The following ITGA4 variants were observed in gnomAD, a reference collection of about 807,000 sequenced individuals.
The protein encoded by ITGA4 is integrin subunit alpha 4.
In ITGA4, 63 loss-of-function variants were observed where a neutral mutation model predicts 133.6. The ratio of observed to expected loss-of-function variants is 0.47; its 90% CI spans 0.38 to 0.58. The LOEUF is 0.58. Ranked by LOEUF, ITGA4 falls within the 20% of genes least tolerant of loss-of-function variation. ITGA4 has a pLI of 0.00. For synonymous variants in ITGA4, 483 were observed against 438.0 expected (o/e 1.10, Z -1.28); for missense variants, 1,076 against 1,252.7 (o/e 0.86, Z 2.13).
At chr2:181,481,144 C>T (rs192242279) in intron 6 of ITGA4, among the ~76,000 whole-genome samples, 65 of 152,248 alleles carry the variant, frequency 4.3e-4, no homozygotes, top group African/African-American at 1.3e-3. Context: ...AGAAATATAA[C>T]TTGTTACGCC....
chr2:181,476,939 A>T (rs569331021), intron 4 of ITGA4, among the ~76,000 whole-genome samples: 1 of 152,244 alleles, frequency 6.6e-6, no homozygotes, highest in Admixed American at 6.5e-5. Context: ...GACACAAGGG[A>T]CACAAAGTAG....
chr2:181,473,788 G>A (rs1018328743), intron 2 of ITGA4, among the ~76,000 whole-genome samples: 1 of 152,154 alleles, frequency 6.6e-6, no homozygotes, highest in Admixed American at 6.5e-5. Context: ...GTAACATAGT[G>A]AGACCCCCAT....
At chr2:181,534,731 G>A (rs778396642) in intron 26 of ITGA4, 85 bp from the exon 27 acceptor site, 11 of 1,163,990 alleles carry the variant, frequency 9.5e-6, no homozygotes, top group Non-Finnish European at 1.2e-5. Flanking sequence ...GGGGATTATG[G>A]CAGGGCTTTA....
chr2:181,487,171 T>A (rs542953188), intron 10 of ITGA4, among the ~76,000 whole-genome samples: 17 of 152,290 alleles, frequency 1.1e-4, no homozygotes, highest in Admixed American at 6.5e-4. Context: ...ATAATTTTTT[T>A]AAAAAACATG....
chr2:181,535,764 G>GA lies in ITGA4; in HGVS notation c.*240dup. Reference sequence around the variant, plus strand: ...ATCTCTCAGCTTTTAAATGGGTAGAGAAACACTAAAGCATTCAATTTATTC... The same window carrying GA: ...ATCTCTCAGCTTTTAAATGGGTAGAGAAAACACTAAAGCATTCAATTTATTC... On this transcript the variant is annotated 3_prime_UTR_variant, in exon 28 of 28. Coordinates refer to ENST00000397033, the MANE Select transcript of ITGA4 (RefSeq NM_000885.6). 1 of 351,820 alleles carries GA rather than the reference G, an allele frequency of 2.8e-6. No individual in the cohort carries two copies. Among genetic ancestry groups the GA allele is most frequent in the Non-Finnish European group, 5.1e-6 (1 of 195,154 alleles). The allele number at this position is 351,820 out of a possible 1,614,324, so 21.8% of individuals were successfully genotyped here. A position where few individuals can be genotyped will look rare whatever the true frequency, so the allele number is the denominator to read the frequency against.
At chr2:181,490,327 A>C (rs1480040380) in intron 10 of ITGA4, among the ~76,000 whole-genome samples, 1 of 152,098 alleles carries the variant, frequency 6.6e-6, no homozygotes, top group Non-Finnish European at 1.5e-5. Flanking sequence ...CCATGTGAAC[A>C]CATTTTTAAA....
rs1377717840 is a variant in ITGA4, at chr2:181,475,229, A to G, written c.497A>G (p.Tyr166Cys). ...NENKLPTGGC[Y>C]GVPPDLRTEL... ...AATAAGCTCCCCACTGGTGGTTGCT[A>G]TGGAGTGCCCCCTGATTTACGAACA... is the stretch of plus-strand genomic sequence containing the variant. The change falls in exon 4 of 28, where the codon TAT (tyrosine) becomes TGT (cysteine). Residue 166 changes from tyrosine (Y) to cysteine (C), a missense_variant. This residue lies in a region of ITGA4 where 436 missense variants were observed against 590.7 expected (regional missense o/e 0.74). Coordinates refer to ENST00000397033, the MANE Select transcript of ITGA4 (RefSeq NM_000885.6). 1 of 1,612,686 alleles carries G rather than the reference A, an allele frequency of 6.2e-7. No individual in the cohort carries two copies. Among genetic ancestry groups the G allele is most frequent in the South Asian group, 1.1e-5 (1 of 91,056 alleles).
rs1687289936 is a variant in ITGA4, at chr2:181,538,207, T to C, written c.*2680T>C. The C allele has an allele frequency of 1.9e-6, 3 of 1,586,240 alleles. No homozygotes were observed. Among genetic ancestry groups the C allele is most frequent in the South Asian group, 2.2e-5 (2 of 90,460 alleles). On this transcript the variant is annotated 3_prime_UTR_variant, in exon 28 of 28. Transcript: ENST00000397033. ...TGTTACTTTGGAATCATTTCTTCCA[T>C]GCTTCCTCCATAAAGACTGATAAGT...
rs993436678 is a variant in ITGA4 at position 181,538,898 on chromosome 2, A to C, written c.*3371A>C. On this transcript the variant is annotated 3_prime_UTR_variant, in exon 28 of 28. Coordinates refer to ENST00000397033, the MANE Select transcript of ITGA4 (RefSeq NM_000885.6). ...ACCAAAGAAAATGCCTTGGGTCTACATAACAGTTGAATAAATGTAAAGTTG... is the reference window on the plus strand; with the variant it reads ...ACCAAAGAAAATGCCTTGGGTCTACCTAACAGTTGAATAAATGTAAAGTTG... 1.3e-5 allele frequency among the ~76,000 whole-genome samples: 2 copies of C among 152,216 alleles called. No homozygotes were observed. The highest frequency in any genetic ancestry group is 2.4e-5 in the African/African-American group (1 of 41,470).
intron 2 of ITGA4, among the ~76,000 whole-genome samples, chr2:181,463,140 C>T (rs1292173574): frequency 6.6e-6 from 1 of 152,152 alleles, no homozygotes; most frequent in African/African-American, 2.4e-5. Flanking sequence ...CCAGAAAGAG[C>T]AAACTGTGTG....
rs968959192 is a variant in ITGA4 at position 181,516,215 on chromosome 2, G to A, written c.1922+4440G>A. ...TACCGCAATACATTTCTGCACCTCAGTTGTGCTTCCAGAATGAGTGATGTA... is the reference window on the plus strand; with the variant it reads ...TACCGCAATACATTTCTGCACCTCAATTGTGCTTCCAGAATGAGTGATGTA... On this transcript the variant is annotated intron_variant, in intron 17 of 27. Coordinates refer to ENST00000397033, the MANE Select transcript of ITGA4 (RefSeq NM_000885.6). The surrounding 1 kb of genome is among the most constrained non-coding windows in gnomAD (Gnocchi z 4.0). 2.0e-5 allele frequency among the ~76,000 whole-genome samples: 3 copies of A among 152,174 alleles called. No homozygotes were observed. The highest frequency in any genetic ancestry group is 3.9e-4 in the East Asian group (2 of 5,162).
chr2:181,525,069 A>G (rs1392661302), intron 20 of ITGA4, 133 bp from the exon 21 acceptor site: 2 of 448,582 alleles, frequency 4.5e-6, no homozygotes, highest in Admixed American at 7.7e-5. Context: ...TACCATATCT[A>G]CTTTTATCCC....
intron 15 of ITGA4, among the ~76,000 whole-genome samples, chr2:181,507,826 C>T (rs922129896): frequency 1.3e-5 from 2 of 152,000 alleles, no homozygotes; most frequent in Admixed American, 1.3e-4. Flanking sequence ...TATTTTTGAT[C>T]CAAGGTGGCT....
chr2:181,535,538 C>A lies in ITGA4; in HGVS notation c.*11C>A. ...AGCAATGATGATTAAGGACTTCTTT[C>A]AAATTGAGAGAATGGAAAACAGACT... On this transcript the variant is annotated 3_prime_UTR_variant, in exon 28 of 28. Coordinates refer to ENST00000397033, the MANE Select transcript of ITGA4 (RefSeq NM_000885.6). The A allele has an allele frequency of 6.3e-7, 1 of 1,590,262 alleles. No individual in the cohort carries two copies. Among genetic ancestry groups the A allele is most frequent in the Non-Finnish European group, 8.5e-7 (1 of 1,169,806 alleles).
rs551982960 is a variant in ITGA4 at position 181,523,188 on chromosome 2, A to T, written c.2074-249A>T. The T allele has an allele frequency of 1.4e-5, 4 of 279,938 alleles. No homozygotes were observed. The highest frequency in any genetic ancestry group is 2.1e-5 in the Non-Finnish European group (3 of 143,494). 17.3% of individuals were successfully genotyped at this position (279,938 alleles called of 1,614,324 possible). ...TGTATATACACACACACATACACATACACATATATATACACACACATATAT... is the reference window on the plus strand; with the variant it reads ...TGTATATACACACACACATACACATTCACATATATATACACACACATATAT... On this transcript the variant is annotated intron_variant, in intron 18 of 27. Transcript: ENST00000397033. This position sits in a 1 kb window ranked among gnomAD's most constrained non-coding sequence, Gnocchi z 4.2.
intron 16 of ITGA4, among the ~76,000 whole-genome samples, chr2:181,510,933 T>C (rs1256157404): frequency 1.3e-5 from 2 of 151,962 alleles, no homozygotes; most frequent in Admixed American, 6.6e-5. Flanking sequence ...AAATCATATT[T>C]ATTTAGAGAG....
intron 22 of ITGA4, among the ~76,000 whole-genome samples, chr2:181,527,698 A>G (rs1250420195): frequency 1.4e-5 from 2 of 146,078 alleles, no homozygotes; most frequent in African/African-American, 2.4e-5. Context: ...ACATACAGAA[A>G]ACAGGACAGG....
intron 15 of ITGA4, among the ~76,000 whole-genome samples, chr2:181,509,125 T>A (rs1686450899): frequency 8.9e-6 from 1 of 111,980 alleles, no homozygotes. Flanking sequence ...GAGGGACACA[T>A]CCCATCTCTT....
At chr2:181,462,107 A>G (rs1055873709) in intron 2 of ITGA4, among the ~76,000 whole-genome samples, 1 of 152,222 alleles carries the variant, frequency 6.6e-6, no homozygotes, top group African/African-American at 2.4e-5. Flanking sequence ...ATTGGACAGC[A>G]CTGCTGTAGA....
Sources: gnomAD v4.1 joint callset for allele counts (sites outside exome capture counted in the v4.1 genomes callset) on GRCh38, gnomAD v4.1.1 for gene constraint, gnomAD v4.1.1 regional missense constraint, Gnocchi (gnomAD v3.1) non-coding constraint, MANE v1.5 for transcripts, NCBI Gene and HGNC (gene_info 2026-07-23, HGNC 2026-07-21) for gene names.